The following LRBA variants were observed in gnomAD, a reference collection of about 807,000 sequenced individuals.
LRBA encodes the protein lipopolysaccharide-responsive and beige-like anchor protein.
LRBA carries 176 observed loss-of-function variants against 330.0 expected under a neutral mutation model. The observed-to-expected ratio is 0.53, with a 90% CI of 0.47 to 0.60. The LOEUF (loss-of-function observed/expected upper bound fraction) is 0.60. Ranked by LOEUF, LRBA falls within the 20% of genes least tolerant of loss-of-function variation. The probability of loss-of-function intolerance (pLI) is 0.00; values close to 1 mark genes in which losing one functional copy is unlikely to be tolerated. For missense variants in LRBA, 3,259 were observed against 3,444.8 expected (o/e 0.95, Z 1.35); for synonymous variants, 1,230 against 1,193.0 (o/e 1.03, Z -0.64).
chr4:150,970,149 T>C (rs1162597713), intron 2 of LRBA, among the ~76,000 whole-genome samples: 1 of 152,062 alleles, frequency 6.6e-6, no homozygotes, highest in African/African-American at 2.4e-5. Flanking sequence ...AATAAAGCAT[T>C]TTTTTAATGA....
At chr4:150,450,094 A>G (rs1753161948) in intron 44 of LRBA, among the ~76,000 whole-genome samples, 1 of 152,210 alleles carries the variant, frequency 6.6e-6, no homozygotes, top group African/African-American at 2.4e-5. Flanking sequence ...AAATAATAGA[A>G]AAAATGCTGC....
At chr4:150,811,679 A>ATT (rs1743760309) in intron 31 of LRBA, among the ~76,000 whole-genome samples, 1 of 151,820 alleles carries the variant, frequency 6.6e-6, no homozygotes, top group East Asian at 1.9e-4. Flanking sequence ...ATTTTTTTTA[A>ATT]TTTCTTGTAG....
At chr4:150,819,667 A>G (rs1420682824) in intron 30 of LRBA, among the ~76,000 whole-genome samples, 1 of 152,096 alleles carries the variant, frequency 6.6e-6, no homozygotes, top group African/African-American at 2.4e-5. Context: ...AAAACACTGG[A>G]AAACTGGTAA....
chr4:150,923,214 C>A (rs953141928), intron 4 of LRBA, among the ~76,000 whole-genome samples: 3 of 150,880 alleles, frequency 2.0e-5, no homozygotes, highest in African/African-American at 7.3e-5. Context: ...TATACTTTCA[C>A]CATTAAAATA....
In LRBA at chr4:150,388,419, C is replaced by T. The variant is rs112395071; in HGVS notation, c.7194+27019G>A. On this transcript the variant is annotated intron_variant, in intron 47 of 56. Transcript: ENST00000651943. ...TCCCAAATGCCTCCAAAGTTTTAAC[C>T]CATTCCAAGGTCAACTCTAAAGTCT... 5.8e-3 allele frequency among the ~76,000 whole-genome samples: 886 copies of T among 152,310 alleles called. 12 individuals are homozygous for T. Among genetic ancestry groups the T allele is most frequent in the African/African-American group, 0.018 (768 of 41,570 alleles).
At chr4:150,714,433 C>T (rs1582126201) in intron 36 of LRBA, among the ~76,000 whole-genome samples, 1 of 151,934 alleles carries the variant, frequency 6.6e-6, no homozygotes, top group African/African-American at 2.4e-5. Context: ...ACTTATTTGA[C>T]AAAAAAGACA....
At chr4:150,681,345 A>G (rs1425252663) in intron 37 of LRBA, among the ~76,000 whole-genome samples, 2 of 152,234 alleles carry the variant, frequency 1.3e-5, no homozygotes, top group East Asian at 3.8e-4. Flanking sequence ...AACCACTGTC[A>G]AAGTATGGTG....
intron 37 of LRBA, among the ~76,000 whole-genome samples, chr4:150,649,644 T>C (rs1253847760): frequency 6.6e-6 from 1 of 152,168 alleles, no homozygotes; most frequent in Non-Finnish European, 1.5e-5. Flanking sequence ...ACATTTCATA[T>C]AAACATCCTG....
chr4:150,362,824 G>T (rs908177040), intron 47 of LRBA, among the ~76,000 whole-genome samples: 1 of 152,124 alleles, frequency 6.6e-6, no homozygotes, highest in Non-Finnish European at 1.5e-5. Context: ...TCATGTGGCT[G>T]CATGCAGTGG....
Position 150,680,445 on chromosome 4 carries a change from A to C in LRBA, c.5921+3106T>G, listed in dbSNP as rs1782955770. 9.2e-5 allele frequency among the ~76,000 whole-genome samples: 14 copies of C among 152,356 alleles called. No homozygotes were observed. The South Asian group carries it at 2.9e-3, about 32-fold the overall frequency. ...GCATTCAGGCAGGTCACTAGGTGTC[A>C]AAAGATATTAGATGCCTGCTGTGAG... On this transcript the variant is annotated intron_variant, in intron 37 of 56. Transcript: ENST00000651943.
chr4:150,272,004 G>A (rs749654110), intron 56 of LRBA, among the ~76,000 whole-genome samples: 2 of 152,200 alleles, frequency 1.3e-5, no homozygotes, highest in Non-Finnish European at 2.9e-5. Context: ...CAGCATTTGA[G>A]CTCTGCTAAT....
intron 36 of LRBA, among the ~76,000 whole-genome samples, chr4:150,731,684 A>G (rs907149832): frequency 3.9e-5 from 6 of 152,208 alleles, no homozygotes; most frequent in Non-Finnish European, 4.4e-5. Flanking sequence ...GATGGTTACC[A>G]GAGGCTAGGA....
intron 42 of LRBA, among the ~76,000 whole-genome samples, chr4:150,477,787 T>C: frequency 6.6e-6 from 1 of 152,046 alleles, no homozygotes; most frequent in East Asian, 1.9e-4. Flanking sequence ...CTCATGCTCC[T>C]GCCATATAAG....
chr4:150,654,512 T>G lies in LRBA; in HGVS notation c.5921+29039A>C, dbSNP rs72736371. On this transcript the variant is annotated intron_variant, in intron 37 of 56. Coordinates refer to ENST00000651943, the MANE Select transcript of LRBA (RefSeq NM_001364905.1). ...TCAAGAAGTCTATTTTCAATTCCTATCTCTCTACCTTGTCTCTTCTATCGC... is the reference window on the plus strand; with the variant it reads ...TCAAGAAGTCTATTTTCAATTCCTAGCTCTCTACCTTGTCTCTTCTATCGC... Among the ~76,000 whole-genome samples, 242 of 152,280 alleles carry G rather than the reference T, an allele frequency of 1.6e-3. 1 individual carries two copies. Among genetic ancestry groups the G allele is most frequent in the Admixed American group, 3.6e-3 (55 of 15,298 alleles).
intron 47 of LRBA, among the ~76,000 whole-genome samples, chr4:150,368,581 C>G (rs559104065): frequency 1.1e-4 from 16 of 152,218 alleles, no homozygotes; most frequent in Admixed American, 9.2e-4. Flanking sequence ...TGTATCTTCA[C>G]TAAAGGTAAC....
chr4:150,844,884 C>A, intron 26 of LRBA, 105 bp from the exon 27 acceptor site: 1 of 926,072 alleles, frequency 1.1e-6, no homozygotes. Flanking sequence ...AGATTTTATT[C>A]AAAACAGACG....
intron 5 of LRBA, among the ~76,000 whole-genome samples, chr4:150,917,702 A>C (rs1432183650): frequency 6.6e-6 from 1 of 152,102 alleles, no homozygotes; most frequent in Non-Finnish European, 1.5e-5. Flanking sequence ...CAAGGCAGGC[A>C]GATCATCTGC....
chr4:150,489,458 GAATATAA>G (rs1180960225), intron 41 of LRBA, among the ~76,000 whole-genome samples: 2 of 38,728 alleles, frequency 5.2e-5, no homozygotes, highest in South Asian at 1.6e-3. Flanking sequence ...TTATATATAA[GAATATAA>G]AATATATTAT....
intron 28 of LRBA, among the ~76,000 whole-genome samples, chr4:150,840,153 A>G (rs374933597): frequency 1.7e-4 from 26 of 152,156 alleles, no homozygotes; most frequent in East Asian, 1.4e-3. Context: ...GCCTGGTTGG[A>G]TCTTTTATAC....
Sources: gnomAD v4.1 joint callset for allele counts (sites outside exome capture counted in the v4.1 genomes callset) on GRCh38, gnomAD v4.1.1 for gene constraint, MANE v1.5 for transcripts, NCBI Gene and HGNC (gene_info 2026-07-23, HGNC 2026-07-21) for gene names.